The following TNC variants were observed in gnomAD, a reference collection of about 807,000 sequenced individuals.
TNC encodes tenascin C.
A neutral mutation model predicts 202.4 loss-of-function variants in TNC; 109 were observed. That is an observed-to-expected ratio of 0.54 (90% confidence interval 0.46 to 0.63). The LOEUF is 0.63. Among genes scored for constraint, TNC ranks in the 30% least tolerant of loss-of-function variants. The probability of loss-of-function intolerance (pLI) is 0.00; values close to 1 mark genes in which losing one functional copy is unlikely to be tolerated. For missense variants in TNC, 2,756 were observed against 2,833.3 expected (o/e 0.97, Z 0.62); for synonymous variants, 1,007 against 1,089.7 (o/e 0.92, Z 1.50).
intron 10 of TNC, among the ~76,000 whole-genome samples, chr9:115,070,912 C>T (rs1392167287): frequency 2.0e-5 from 3 of 152,234 alleles, no homozygotes; most frequent in Non-Finnish European, 4.4e-5. Flanking sequence ...TTTAACACAT[C>T]TATGTTTGCC....
At chr9:115,091,419 A>G (rs1156959891) in intron 1 of TNC, among the ~76,000 whole-genome samples, 1 of 152,218 alleles carries the variant, frequency 6.6e-6, no homozygotes, top group African/African-American at 2.4e-5. Flanking sequence ...AATAAAATAG[A>G]CATAGGTTTG....
At chr9:115,060,071 C>A in intron 13 of TNC, 69 bp from the exon 14 acceptor site, 1 of 1,448,128 alleles carries the variant, frequency 6.9e-7, no homozygotes, top group Admixed American at 2.5e-5. Context: ...CATCCCACAG[C>A]CCAACTCTAG....
intron 1 of TNC, among the ~76,000 whole-genome samples, chr9:115,108,689 C>T (rs2134247119): frequency 6.6e-6 from 1 of 152,322 alleles, no homozygotes. Context: ...AAAATCCACA[C>T]ATTGGAACAT....
intron 15 of TNC, among the ~76,000 whole-genome samples, chr9:115,052,023 T>TATGG (rs1554798547): frequency 2.0e-5 from 3 of 149,558 alleles, no homozygotes; most frequent in African/African-American, 7.4e-5. Flanking sequence ...AAATGTGGTG[T>TATGG]ATAGATAGAT....
At chr9:115,025,477 C>G (rs1829405925) in intron 26 of TNC, among the ~76,000 whole-genome samples, 1 of 152,190 alleles carries the variant, frequency 6.6e-6, no homozygotes. Context: ...GCTTCTATCT[C>G]TTCTGCTCTC....
intron 10 of TNC, among the ~76,000 whole-genome samples, chr9:115,072,070 C>T (rs931916201): frequency 5.9e-5 from 9 of 152,174 alleles, no homozygotes; most frequent in Admixed American, 2.6e-4. Flanking sequence ...TACAAATGAC[C>T]TCAATTTTAT....
intron 1 of TNC, among the ~76,000 whole-genome samples, chr9:115,097,818 T>C (rs925917434): frequency 1.3e-5 from 2 of 152,096 alleles, no homozygotes; most frequent in African/African-American, 4.8e-5. Flanking sequence ...TATAAAATAA[T>C]GCATAGGAAA....
chr9:115,087,398 G>T, intron 2 of TNC, 125 bp from the exon 3 acceptor site: 2 of 913,070 alleles, frequency 2.2e-6, no homozygotes, highest in South Asian at 1.7e-5. Flanking sequence ...CATCTGGCTT[G>T]AGAACCATTT....
intron 7 of TNC, among the ~76,000 whole-genome samples, 188 bp from the exon 8 acceptor site, chr9:115,076,763 C>T (rs1405605235): frequency 6.6e-6 from 1 of 152,174 alleles, no homozygotes; most frequent in Admixed American, 6.5e-5. Context: ...GCACCTTTCC[C>T]TATTATGGAT....
At chr9:115,054,490 T>C (rs918441065) in intron 15 of TNC, among the ~76,000 whole-genome samples, 21 of 152,318 alleles carry the variant, frequency 1.4e-4, no homozygotes, top group Admixed American at 6.5e-4. Flanking sequence ...AAATTAAGGA[T>C]GCATGCTGGG....
intron 1 of TNC, among the ~76,000 whole-genome samples, chr9:115,095,883 G>C (rs1835754656): frequency 6.6e-6 from 1 of 151,530 alleles, no homozygotes; most frequent in Non-Finnish European, 1.5e-5. Flanking sequence ...TTAAGGATCT[G>C]GTAAGTCAAT....
At chr9:115,102,627 TA>T (rs1836321147) in intron 1 of TNC, among the ~76,000 whole-genome samples, 1 of 152,208 alleles carries the variant, frequency 6.6e-6, no homozygotes, top group Non-Finnish European at 1.5e-5. Flanking sequence ...ATTTATCATT[TA>T]AAAAAAGATT....
chr9:115,060,508 T>C (rs1832463946), intron 13 of TNC, among the ~76,000 whole-genome samples: 1 of 152,208 alleles, frequency 6.6e-6, no homozygotes. Context: ...GATGATTAAA[T>C]GGTAATATTT....
intron 15 of TNC, among the ~76,000 whole-genome samples, chr9:115,056,149 C>A (rs1832100119): frequency 6.6e-6 from 1 of 152,092 alleles, no homozygotes; most frequent in South Asian, 2.1e-4. Context: ...GACCATGAGT[C>A]CCCTTTTTGT....
Position 115,087,017 on chromosome 9 carries a change from A to T in TNC, c.714T>A (p.Cys238Ter). 3.7e-6 allele frequency: 6 copies of T among 1,613,212 alleles called. No individual in the cohort carries two copies. The highest frequency in any genetic ancestry group is 5.1e-6 in the Non-Finnish European group (6 of 1,179,472). ...AGTCAGCCCCGGCGTAGCCTTCGAA[A>T]CAGATGCAGACTCCATTTACGCACT... ...QGKCVNGVCI[C>*]FEGYAGADCS... The change falls in exon 3 of 28, where the codon TGT (cysteine) becomes TGA (stop). Residue 238 changes from cysteine (C) to a stop codon, truncating the protein, a stop_gained. Coordinates refer to ENST00000350763, the MANE Select transcript of TNC (RefSeq NM_002160.4). LOFTEE classifies it high-confidence loss of function.
At chr9:115,051,328 AC>A (rs982803080) in intron 15 of TNC, among the ~76,000 whole-genome samples, 17 of 152,208 alleles carry the variant, frequency 1.1e-4, no homozygotes, top group Admixed American at 9.8e-4. Context: ...ATCTAAAAAA[AC>A]CAGAGAAGTT....
intron 10 of TNC, among the ~76,000 whole-genome samples, chr9:115,065,121 C>A (rs1028634171): frequency 2.0e-5 from 3 of 152,158 alleles, no homozygotes; most frequent in African/African-American, 7.2e-5. Flanking sequence ...TGTGGCCGGG[C>A]ATGGTGGCTC....
intron 10 of TNC, among the ~76,000 whole-genome samples, chr9:115,068,093 G>A (rs1219643851): frequency 6.6e-6 from 1 of 152,056 alleles, no homozygotes; most frequent in African/African-American, 2.4e-5. Context: ...TTGAGATGAG[G>A]ACCAAGAGGC....
intron 17 of TNC, among the ~76,000 whole-genome samples, chr9:115,043,697 G>T (rs1033780422): frequency 3.9e-5 from 6 of 152,008 alleles, no homozygotes; most frequent in East Asian, 1.9e-4. Flanking sequence ...AGACTTTAAG[G>T]TGTCCCCTAG....
Sources: allele counts gnomAD v4.1 joint callset (sites outside exome capture counted in the v4.1 genomes callset), GRCh38; gene constraint gnomAD v4.1.1; transcripts MANE v1.5; gene names NCBI Gene and HGNC (gene_info 2026-07-23, HGNC 2026-07-21).